Variants in GMDS observed in about 807,000 individuals in gnomAD.
GMDS encodes the protein GDP-mannose 4,6 dehydratase.
Under a neutral mutation model 49.9 loss-of-function variants are expected in GMDS, and 20 were observed. That is an observed-to-expected ratio of 0.40 (90% CI 0.28 to 0.58). GMDS has a LOEUF of 0.58. Among genes scored for constraint, GMDS ranks in the 20% least tolerant of loss-of-function variants. GMDS has a pLI of 0.42. For synonymous variants in GMDS, 177 were observed against 178.6 expected (o/e 0.99, Z 0.07); for missense variants, 362 against 481.4 (o/e 0.75, Z 2.32).
rs571204620 is a variant in GMDS, at chr6:2,095,108, C to A, written c.345+20663G>T. Reference sequence around the variant, plus strand: ...TAGCACAGAATGCCGTACATATTCTCATATTCTATTATCCCCAAAATCAGG... The same window carrying A: ...TAGCACAGAATGCCGTACATATTCTAATATTCTATTATCCCCAAAATCAGG... On this transcript the variant is annotated intron_variant, in intron 4 of 10. Transcript: ENST00000380815. 6.6e-5 allele frequency among the ~76,000 whole-genome samples: 10 copies of A among 152,348 alleles called. No individual in the cohort carries two copies. In the East Asian group the frequency reaches 1.5e-3, roughly 24 times the overall value.
intron 4 of GMDS, among the ~76,000 whole-genome samples, chr6:2,043,595 A>G (rs1205912974): frequency 6.6e-6 from 1 of 152,196 alleles, no homozygotes; most frequent in Non-Finnish European, 1.5e-5. Context: ...ATTAACACTA[A>G]TTTATCTGTT....
chr6:1,996,826 C>CA (rs1177616051), intron 4 of GMDS, among the ~76,000 whole-genome samples: 4 of 152,144 alleles, frequency 2.6e-5, no homozygotes, highest in African/African-American at 9.7e-5. Context: ...GACATGTACT[C>CA]AGACAAAAAT....
intron 4 of GMDS, among the ~76,000 whole-genome samples, chr6:2,005,125 A>G (rs1767076209): frequency 6.6e-6 from 1 of 152,154 alleles, no homozygotes; most frequent in South Asian, 2.1e-4. Context: ...TTGCACTATT[A>G]GTTTGCTTAG....
At chr6:2,140,390 T>C (rs1182658480) in intron 1 of GMDS, among the ~76,000 whole-genome samples, 1 of 152,194 alleles carries the variant, frequency 6.6e-6, no homozygotes, top group Non-Finnish European at 1.5e-5. Context: ...GAACATGGCC[T>C]TTCTGACATA....
chr6:2,204,025 T>C lies in GMDS; in HGVS notation c.102+41296A>G, dbSNP rs145295097. 2.5e-3 allele frequency among the ~76,000 whole-genome samples: 384 copies of C among 152,316 alleles called. 1 individual carries two copies. The highest frequency in any genetic ancestry group is 8.9e-3 in the African/African-American group (371 of 41,564). ...ACTTTACAAATTTTCTTAATTTGGGTGACTAACATTCTTAAGGAAACTTAT... is the reference window on the plus strand; with the variant it reads ...ACTTTACAAATTTTCTTAATTTGGGCGACTAACATTCTTAAGGAAACTTAT... On this transcript the variant is annotated intron_variant, in intron 1 of 10. Coordinates refer to ENST00000380815, the MANE Select transcript of GMDS (RefSeq NM_001500.4).
chr6:1,732,940 C>T (rs1766868457), intron 8 of GMDS, among the ~76,000 whole-genome samples: 1 of 152,198 alleles, frequency 6.6e-6, no homozygotes, highest in East Asian at 1.9e-4. Context: ...CAAACCCCCT[C>T]CCCGCAGGCC....
intron 4 of GMDS, among the ~76,000 whole-genome samples, chr6:2,019,609 C>T (rs146631502): frequency 1.3e-5 from 2 of 152,074 alleles, no homozygotes; most frequent in South Asian, 2.1e-4. Context: ...ACCATCATGC[C>T]CGGCTAATTT....
intron 7 of GMDS, among the ~76,000 whole-genome samples, chr6:1,846,859 A>C (rs1250428174): frequency 6.6e-6 from 1 of 152,206 alleles, no homozygotes; most frequent in Non-Finnish European, 1.5e-5. Flanking sequence ...GATGTATCAA[A>C]TATATCACTG....
At chr6:2,207,976 C>T (rs998543839) in intron 1 of GMDS, among the ~76,000 whole-genome samples, 6 of 151,574 alleles carry the variant, frequency 4.0e-5, no homozygotes, top group Non-Finnish European at 5.9e-5. Context: ...TATGAAAAAC[C>T]CAGTCAGGAA....
chr6:1,907,979 TAAC>T (rs1480823305), intron 7 of GMDS, among the ~76,000 whole-genome samples: 2 of 152,138 alleles, frequency 1.3e-5, no homozygotes, highest in Non-Finnish European at 2.9e-5. Context: ...AGTAAGAGCT[TAAC>T]AACAAGAACT....
intron 9 of GMDS, among the ~76,000 whole-genome samples, chr6:1,700,475 C>T (rs1765503930): frequency 6.6e-6 from 1 of 152,206 alleles, no homozygotes; most frequent in South Asian, 2.1e-4. Flanking sequence ...AAATTACTAG[C>T]TTCTGCAAAT....
chr6:1,833,785 G>A lies in GMDS; in HGVS notation c.772-91199C>T, dbSNP rs540510737. On this transcript the variant is annotated intron_variant, in intron 7 of 10. Transcript: ENST00000380815. The surrounding 1 kb of genome is among the most constrained non-coding windows in gnomAD (Gnocchi z 4.4). ...ATTCAAGAGAAGGGAAATTTATGAA[G>A]GCAGAAATTAATACCAAACCCAAAC... 1.7e-3 allele frequency among the ~76,000 whole-genome samples: 262 copies of A among 152,230 alleles called. 1 individual carries two copies. Among genetic ancestry groups the A allele is most frequent in the African/African-American group, 6.0e-3 (250 of 41,530 alleles).
At chr6:2,058,217 G>C (rs1343910164) in intron 4 of GMDS, among the ~76,000 whole-genome samples, 1 of 151,942 alleles carries the variant, frequency 6.6e-6, no homozygotes, top group Non-Finnish European at 1.5e-5. Context: ...AATCAGCCAG[G>C]CGTGGTGGCA....
In GMDS at chr6:1,905,900, C is replaced by G. The variant is rs1308135552; in HGVS notation, c.771+24203G>C. ...ATGTGACAATAACCCCATAGGCCAT[C>G]TGGGAACACGTATGCAGGTGTCCCT... On this transcript the variant is annotated intron_variant, in intron 7 of 10. Coordinates refer to ENST00000380815, the MANE Select transcript of GMDS (RefSeq NM_001500.4). Among the ~76,000 whole-genome samples, 119 of 73,320 alleles carry G rather than the reference C, an allele frequency of 1.6e-3. 13 individuals carry two copies. The highest frequency in any genetic ancestry group is 0.014 in the Middle Eastern group (2 of 144). 48.1% of individuals were successfully genotyped at this position (73,320 alleles called of 152,430 possible).
chr6:2,117,676 T>C (rs1774921649), intron 2 of GMDS, 120 bp from the exon 3 acceptor site: 2 of 658,962 alleles, frequency 3.0e-6, no homozygotes, highest in South Asian at 1.7e-5. Context: ...TTATTAGAAA[T>C]AGTCCCACTG....
At chr6:1,780,591 C>T (rs911207074) in intron 7 of GMDS, among the ~76,000 whole-genome samples, 1 of 152,206 alleles carries the variant, frequency 6.6e-6, no homozygotes, top group Non-Finnish European at 1.5e-5. Flanking sequence ...TCTCTGCCTG[C>T]CTGAGGAGAG....
intron 1 of GMDS, among the ~76,000 whole-genome samples, chr6:2,192,871 GC>G (rs1779108394): frequency 1.3e-5 from 2 of 152,364 alleles, no homozygotes; most frequent in East Asian, 3.9e-4. Context: ...GGAGGAACAA[GC>G]CCAGCAGGCC....
At chr6:2,239,834 T>C (rs900455126) in intron 1 of GMDS, among the ~76,000 whole-genome samples, 4 of 152,012 alleles carry the variant, frequency 2.6e-5, no homozygotes, top group Admixed American at 2.0e-4. Context: ...TACAGGCACC[T>C]GCCCCCATGC....
chr6:1,781,084 G>A (rs1173335322), intron 7 of GMDS, among the ~76,000 whole-genome samples: 1 of 151,928 alleles, frequency 6.6e-6, no homozygotes, highest in Non-Finnish European at 1.5e-5. Flanking sequence ...GGGAAAACAC[G>A]ATTGCAAGAC....
Sources: allele counts gnomAD v4.1 joint callset (sites outside exome capture counted in the v4.1 genomes callset), GRCh38; gene constraint gnomAD v4.1.1; non-coding constraint Gnocchi (gnomAD v3.1); transcripts MANE v1.5; gene names NCBI Gene and HGNC (gene_info 2026-07-23, HGNC 2026-07-21).